The following FRMPD3 variants were observed in gnomAD, a reference collection of about 807,000 sequenced individuals.
FRMPD3 encodes the protein FERM and PDZ domain-containing protein 3.
Under a neutral mutation model 97.9 loss-of-function variants are expected in FRMPD3, and 42 were observed. That is an observed-to-expected ratio of 0.43 (90% CI 0.34 to 0.55). The LOEUF (loss-of-function observed/expected upper bound fraction) is 0.55. Ranked by LOEUF, FRMPD3 falls within the 20% of genes least tolerant of loss-of-function variation. The pLI, the probability that FRMPD3 is intolerant of heterozygous loss-of-function variation, is 0.03. For synonymous variants in FRMPD3, 577 were observed against 581.1 expected, an observed-to-expected ratio of 0.99 and a Z score of 0.10; for missense variants, 1,303 against 1,457.7, an observed-to-expected ratio of 0.89 and a Z score of 1.73.
chrX:107,521,466 A>G (rs1439275966), intron 1 of FRMPD3, among the ~76,000 whole-genome samples: 1 of 112,605 alleles, frequency 8.9e-6, no homozygotes, highest in Non-Finnish European at 1.9e-5. Context: ...ATTTGTATGT[A>G]CTTTAAAGTT....
chrX:107,498,173 T>C (rs1401125328), intron 1 of FRMPD3, among the ~76,000 whole-genome samples: 2 of 112,687 alleles, frequency 1.8e-5, no homozygotes, highest in Non-Finnish European at 3.7e-5. Context: ...AAGATGCACT[T>C]TCCTGTTAAT....
At position 107,533,082 on chromosome X, in the gene FRMPD3, T is replaced by A. The variant is rs777820546; in HGVS notation, c.252-423T>A. ...TTTTCCTTTGAATTTCTCTTCTCACTTAAATACCAAATTACCAATAATCAT... is the reference window on the plus strand; with the variant it reads ...TTTTCCTTTGAATTTCTCTTCTCACATAAATACCAAATTACCAATAATCAT... On this transcript the variant is annotated intron_variant, in intron 3 of 14. Coordinates refer to ENST00000683843, the MANE Select transcript of FRMPD3 (RefSeq NM_001388459.1). 1.2e-3 allele frequency among the ~76,000 whole-genome samples: 137 copies of A among 111,896 alleles called. 1 individual carries two copies. The highest frequency in any genetic ancestry group is 4.3e-3 in the African/African-American group (133 of 30,762).
At chrX:107,497,922 C>T (rs1283300304) in intron 1 of FRMPD3, among the ~76,000 whole-genome samples, 3 of 111,555 alleles carry the variant, frequency 2.7e-5, no homozygotes, top group Non-Finnish European at 3.8e-5. Context: ...TGTGCATGCA[C>T]GTGCATGTGG....
At chrX:107,470,524 G>A (rs1197349961) in intron 1 of FRMPD3, among the ~76,000 whole-genome samples, 1 of 112,347 alleles carries the variant, frequency 8.9e-6, no homozygotes, top group Non-Finnish European at 1.9e-5. Flanking sequence ...CAGAGAGAGT[G>A]CACACCTAGG....
chrX:107,524,973 G>A (rs1281633376), intron 1 of FRMPD3, among the ~76,000 whole-genome samples: 4 of 77,525 alleles, frequency 5.2e-5, no homozygotes, highest in South Asian at 8.9e-4. Context: ...TCCAGCTGGC[G>A]TAACAGAGGG....
Position 107,587,118 on chromosome X carries a change from T to C in FRMPD3, c.1442-10203T>C, listed in dbSNP as rs144519465. 3.0e-3 allele frequency among the ~76,000 whole-genome samples: 333 copies of C among 112,187 alleles called. 2 individuals carry two copies. Among genetic ancestry groups the C allele is most frequent in the African/African-American group, 0.01 (318 of 30,922 alleles). On this transcript the variant is annotated intron_variant, in intron 13 of 14. Coordinates refer to ENST00000683843, the MANE Select transcript of FRMPD3 (RefSeq NM_001388459.1). ...CGTAGGTCTCTAAGAACTTGTTTTATGAATCTGAGTGCTCCTGTTTTGGGT... is the reference window on the plus strand; with the variant it reads ...CGTAGGTCTCTAAGAACTTGTTTTACGAATCTGAGTGCTCCTGTTTTGGGT...
At chrX:107,483,622 C>T (rs756443581) in intron 1 of FRMPD3, among the ~76,000 whole-genome samples, 136 of 111,852 alleles carry the variant, frequency 1.2e-3, no homozygotes, top group African/African-American at 4.2e-3. Context: ...CTGTTTGGCT[C>T]AGCCACCACA....
intron 1 of FRMPD3, among the ~76,000 whole-genome samples, chrX:107,501,721 TC>T (rs1376248301): frequency 9.5e-6 from 1 of 105,581 alleles, no homozygotes; most frequent in Admixed American, 1.0e-4. Context: ...TTCTGGGGAC[TC>T]AGTTGGGGCC....
intron 1 of FRMPD3, among the ~76,000 whole-genome samples, chrX:107,461,086 C>T (rs1931463046): frequency 8.9e-6 from 1 of 111,897 alleles, no homozygotes; most frequent in South Asian, 3.8e-4. Flanking sequence ...CTTCCCCCGA[C>T]CCGCTTTAGA....
intron 1 of FRMPD3, among the ~76,000 whole-genome samples, chrX:107,478,371 T>C (rs1262118810): frequency 9.0e-6 from 1 of 111,288 alleles, no homozygotes; most frequent in African/African-American, 3.3e-5. Flanking sequence ...TAAGGTGACT[T>C]TTCCAAGATA....
At chrX:107,516,723 GT>G (rs1274366366) in intron 1 of FRMPD3, among the ~76,000 whole-genome samples, 85 of 103,901 alleles carry the variant, frequency 8.2e-4, no homozygotes, top group East Asian at 6.9e-3. Context: ...TGATGGGGTT[GT>G]TTTTTTTTTT....
At chrX:107,457,716 C>T (rs987378378) in intron 1 of FRMPD3, among the ~76,000 whole-genome samples, 2 of 111,811 alleles carry the variant, frequency 1.8e-5, no homozygotes, top group Non-Finnish European at 3.8e-5. Flanking sequence ...TGACAAAGCC[C>T]CAAGATTATT....
intron 1 of FRMPD3, among the ~76,000 whole-genome samples, chrX:107,475,091 T>C (rs904528412): frequency 1.8e-5 from 2 of 112,014 alleles, no homozygotes; most frequent in African/African-American, 6.5e-5. Context: ...TGTATGTGTG[T>C]GTGTGTGTAT....
At chrX:107,489,020 G>A (rs1168304829) in intron 1 of FRMPD3, among the ~76,000 whole-genome samples, 1 of 81,288 alleles carries the variant, frequency 1.2e-5, no homozygotes, top group African/African-American at 5.0e-5. Context: ...GGAGTGTGAT[G>A]TTCCCCTTCC....
At position 107,598,151 on chromosome X, in the gene FRMPD3, C is replaced by A. The variant is rs186400490; in HGVS notation, c.2263+9C>A. The A allele has an allele frequency of 8.5e-7, 1 of 1,178,863 alleles. No homozygotes were observed. On this transcript the variant is annotated intron_variant, in intron 14 of 14. Coordinates refer to ENST00000683843, the MANE Select transcript of FRMPD3 (RefSeq NM_001388459.1). ...ACCCCCACAGACTGCAGGTAATGACCGATTCCTTCTCCCTCTTTCCACCCC... is the reference window on the plus strand; with the variant it reads ...ACCCCCACAGACTGCAGGTAATGACAGATTCCTTCTCCCTCTTTCCACCCC...
chrX:107,600,666 C>A lies in FRMPD3; in HGVS notation c.2627C>A (p.Ala876Glu). 8.3e-7 allele frequency: 1 copy of A among 1,204,969 alleles called. No homozygotes were observed. The highest frequency in any genetic ancestry group is 1.1e-6 in the Non-Finnish European group (1 of 892,291). ...CAGGGAGAACGAACATACTCCTTGG[C>A]AGTGCACCCAGCACTGTCCCCACAG... The part of the protein sequence containing the change: ...QVQGERTYSL[A>E]VHPALSPQLS... The change falls in exon 15 of 15, where the codon GCA becomes GAA. Residue 876 changes from alanine (A) to glutamate (E), a missense_variant. Around this residue, in one of 3 missense-constraint regions of FRMPD3, gnomAD observed 764 missense variants for 820.2 expected, o/e 0.93. Transcript: ENST00000683843.
chrX:107,507,591 C>T (rs188660248), intron 1 of FRMPD3, among the ~76,000 whole-genome samples: 101 of 112,533 alleles, frequency 9.0e-4, no homozygotes, highest in East Asian at 6.5e-3. Flanking sequence ...GCCTGCCCTC[C>T]GGTAGGGCGG....
chrX:107,457,047 TG>T (rs1280796853), intron 1 of FRMPD3, among the ~76,000 whole-genome samples: 5 of 110,879 alleles, frequency 4.5e-5, no homozygotes, highest in Non-Finnish European at 9.4e-5. Flanking sequence ...ATTGAATGCG[TG>T]GGGTGAGGAA....
At chrX:107,545,939 G>A (rs950333992) in intron 5 of FRMPD3, 98 bp downstream of exon 5, 9 of 656,249 alleles carry the variant, frequency 1.4e-5, no homozygotes, top group East Asian at 7.0e-5. Context: ...ACAGCTTTCC[G>A]AATGGGTTAG....
Sources: allele counts gnomAD v4.1 joint callset (sites outside exome capture counted in the v4.1 genomes callset), GRCh38; gene constraint gnomAD v4.1.1; regional missense constraint gnomAD v4.1.1; transcripts MANE v1.5; gene names NCBI Gene and HGNC (gene_info 2026-07-23, HGNC 2026-07-21).